Variants in DPP6 observed in about 807,000 individuals in gnomAD.
The protein encoded by DPP6 is dipeptidyl peptidase like 6.
A neutral mutation model predicts 122.6 loss-of-function variants in DPP6; 69 were observed. The ratio of observed to expected loss-of-function variants is 0.56; its 90% CI spans 0.46 to 0.69. The LOEUF (loss-of-function observed/expected upper bound fraction) is 0.69. DPP6 is among the 30% of genes least tolerant of loss of function. The pLI is 0.00. For synonymous variants in DPP6, 418 were observed against 433.1 expected (o/e 0.97, Z 0.43); for missense variants, 928 against 1,116.9 (o/e 0.83, Z 2.41).
At position 154,206,438 on chromosome 7, in the gene DPP6, G is replaced by A. The variant is rs531313116; in HGVS notation, c.243+153375G>A. On this transcript the variant is annotated intron_variant, in intron 1 of 25. Transcript: ENST00000377770. ...GGAGAAGCCTTAAATTCCTGTCCTT[G>A]AATATGCTCTTGCCCCAGACATATT... Among the ~76,000 whole-genome samples, 4 of 152,178 alleles carry A rather than the reference G, an allele frequency of 2.6e-5. No individual in the cohort carries two copies. The East Asian group carries it at 7.7e-4, about 29-fold the overall frequency.
intron 16 of DPP6, among the ~76,000 whole-genome samples, chr7:154,844,158 G>A (rs1457743823): frequency 6.6e-6 from 1 of 152,180 alleles, no homozygotes; most frequent in Non-Finnish European, 1.5e-5. Flanking sequence ...GAGACAAAAG[G>A]GCAAAAGCTT....
intron 1 of DPP6, among the ~76,000 whole-genome samples, chr7:153,963,400 G>A (rs1247069598): frequency 1.4e-5 from 2 of 147,494 alleles, no homozygotes; most frequent in Non-Finnish European, 3.0e-5. Flanking sequence ...AGAAAACCTG[G>A]AGAAGGTGCC....
chr7:154,619,237 CAT>C (rs1176699974), intron 5 of DPP6, among the ~76,000 whole-genome samples: 1 of 152,200 alleles, frequency 6.6e-6, no homozygotes, highest in East Asian at 1.9e-4. Flanking sequence ...ATTGGCACAG[CAT>C]AGGCACTCCA....
intron 7 of DPP6, among the ~76,000 whole-genome samples, chr7:154,672,820 A>G (rs1053387543): frequency 1.3e-5 from 2 of 152,230 alleles, no homozygotes; most frequent in Non-Finnish European, 2.9e-5. Context: ...CACATGTTTC[A>G]GTCTTTGCAA....
At chr7:153,974,032 G>C (rs1309154004) in intron 1 of DPP6, among the ~76,000 whole-genome samples, 9 of 151,860 alleles carry the variant, frequency 5.9e-5, no homozygotes, top group Non-Finnish European at 1.2e-4. Flanking sequence ...GCTCAGAAGG[G>C]GGACTTACCT....
At position 154,542,758 on chromosome 7, in the gene DPP6, A is replaced by T. The variant is rs554667953; in HGVS notation, c.552+2132A>T. Among the ~76,000 whole-genome samples, 4 of 152,346 alleles carry T rather than the reference A, an allele frequency of 2.6e-5. No homozygotes were observed. In the South Asian group the frequency reaches 8.3e-4, roughly 32 times the overall value. On this transcript the variant is annotated intron_variant, in intron 4 of 25. Transcript: ENST00000377770. ...TTCATTATTCCTTTCTCAAAGCTAC[A>T]TTTAAATGCTCCTGTCAACAGACTC...
chr7:153,833,326 G>A, the DPP6 span, among the ~76,000 whole-genome samples: 3 of 152,096 alleles, frequency 2.0e-5, no homozygotes, highest in Non-Finnish European at 2.9e-5. Flanking sequence ...TTTTGTATAG[G>A]CATAAGCATG....
the DPP6 span, among the ~76,000 whole-genome samples, chr7:153,865,146 T>C: frequency 6.6e-6 from 1 of 152,172 alleles, no homozygotes; most frequent in Non-Finnish European, 1.5e-5. Context: ...CACACACACA[T>C]ATCTATTATA....
intron 7 of DPP6, among the ~76,000 whole-genome samples, chr7:154,700,174 C>T (rs1026702377): frequency 4.6e-5 from 7 of 152,182 alleles, no homozygotes; most frequent in Middle Eastern, 3.2e-3. Context: ...GGCACCATTA[C>T]GAGCCCTCAA....
intron 1 of DPP6, among the ~76,000 whole-genome samples, chr7:153,923,971 A>G (rs1011431227): frequency 2.0e-5 from 3 of 152,102 alleles, no homozygotes; most frequent in Non-Finnish European, 4.4e-5. Context: ...CACCAGGCAC[A>G]CAAGACTCAA....
At chr7:154,314,445 C>T (rs1807252134) in intron 1 of DPP6, among the ~76,000 whole-genome samples, 1 of 152,184 alleles carries the variant, frequency 6.6e-6, no homozygotes, top group Admixed American at 6.5e-5. Flanking sequence ...GAATGTTTGA[C>T]TTTTAAAGCT....
At chr7:153,899,189 T>C (rs1799535996) in intron 1 of DPP6, among the ~76,000 whole-genome samples, 2 of 151,818 alleles carry the variant, frequency 1.3e-5, no homozygotes, top group Admixed American at 1.3e-4. Context: ...CTCTTCCTCT[T>C]CCTTCTCCTC....
chr7:154,285,889 T>A (rs1804818082), intron 1 of DPP6, among the ~76,000 whole-genome samples: 1 of 152,206 alleles, frequency 6.6e-6, no homozygotes, highest in South Asian at 2.1e-4. Context: ...AACTCCGGCG[T>A]GTTTTTCATT....
chr7:154,288,738 T>TA (rs1305525405), intron 1 of DPP6, among the ~76,000 whole-genome samples: 1 of 152,178 alleles, frequency 6.6e-6, no homozygotes, highest in Non-Finnish European at 1.5e-5. Context: ...GCACCTACTA[T>TA]AAATAATCAG....
intron 1 of DPP6, among the ~76,000 whole-genome samples, chr7:154,352,899 A>G (rs1563531048): frequency 6.6e-6 from 1 of 152,188 alleles, no homozygotes; most frequent in African/African-American, 2.4e-5. Flanking sequence ...GCATGCTTTA[A>G]TTTGTTTGTT....
At chr7:154,028,205 C>G (rs1338995139) in intron 1 of DPP6, among the ~76,000 whole-genome samples, 3 of 152,056 alleles carry the variant, frequency 2.0e-5, no homozygotes, top group Non-Finnish European at 4.4e-5. Flanking sequence ...AACTCATCCT[C>G]TCTGATAGAA....
At chr7:154,765,620 C>G (rs1795845135) in intron 8 of DPP6, among the ~76,000 whole-genome samples, 1 of 152,124 alleles carries the variant, frequency 6.6e-6, no homozygotes. Context: ...GAAAAATACC[C>G]AGCCCAGATC....
intron 4 of DPP6, among the ~76,000 whole-genome samples, chr7:154,563,633 A>C (rs1830565017): frequency 6.6e-6 from 1 of 152,186 alleles, no homozygotes; most frequent in Admixed American, 6.5e-5. Flanking sequence ...AACAGAGGGA[A>C]AGAGAAAAGA....
the DPP6 span, among the ~76,000 whole-genome samples, chr7:153,755,856 C>T: frequency 9.7e-3 from 1,479 of 152,238 alleles, 12 homozygotes; most frequent in Admixed American, 0.015. Flanking sequence ...TCTTCTCTTT[C>T]TGTAGGAAGC....
Sources: allele counts gnomAD v4.1 joint callset (sites outside exome capture counted in the v4.1 genomes callset), GRCh38; gene constraint gnomAD v4.1.1; transcripts MANE v1.5; gene names NCBI Gene and HGNC (gene_info 2026-07-23, HGNC 2026-07-21).